The following ZFX variants were observed in gnomAD, a reference collection of about 807,000 sequenced individuals.
ZFX encodes zinc finger protein X-linked.
For missense variants in ZFX, 362 were observed against 628.3 expected (o/e 0.58, Z 4.53); for synonymous variants, 196 against 226.8 (o/e 0.86, Z 1.22).
At chrX:24,195,575 C>T (rs952544819) in intron 5 of ZFX, among the ~76,000 whole-genome samples, 8 of 111,093 alleles carry the variant, frequency 7.2e-5, no homozygotes, top group Admixed American at 1.9e-4. Flanking sequence ...AGGATGGTCT[C>T]GGATCTCCTG....
In ZFX at chrX:24,174,245, AG is replaced by A. The variant is rs1054222543; in HGVS notation, c.58+1448del. On this transcript the variant is annotated intron_variant, in intron 4 of 9. Transcript: ENST00000304543. ...AAAAAAAATAAAAATAAAAAATAAA[AG>A]GGTTTTATATCACACCAGGTAGCTA... 5.4e-5 allele frequency among the ~76,000 whole-genome samples: 6 copies of A among 110,771 alleles called. No individual in the cohort carries two copies. In the Admixed American group the frequency reaches 5.8e-4, roughly 11 times the overall value.
At chrX:24,183,150 C>T (rs1025771897) in intron 5 of ZFX, among the ~76,000 whole-genome samples, 9 of 111,773 alleles carry the variant, frequency 8.1e-5, no homozygotes, top group South Asian at 3.7e-4. Context: ...ATTGCTGAAC[C>T]GCATTGAGGG....
At chrX:24,150,019 G>C (rs1313749253) in intron 1 of ZFX, 3 of 107,242 alleles carry the variant, frequency 2.8e-5, no homozygotes, top group Non-Finnish European at 5.8e-5. Context: ...TTGGGGGAGG[G>C]TCGCCCGGTT....
chrX:24,162,755 T>C (rs1389479866), intron 3 of ZFX, among the ~76,000 whole-genome samples: 3 of 111,773 alleles, frequency 2.7e-5, no homozygotes, highest in African/African-American at 9.7e-5. Flanking sequence ...TCAGTGGTTT[T>C]TTAGTAGATT....
intron 5 of ZFX, among the ~76,000 whole-genome samples, chrX:24,187,197 G>C (rs778705914): frequency 8.9e-6 from 1 of 111,760 alleles, no homozygotes; most frequent in South Asian, 3.7e-4. Context: ...GTGCACTGCA[G>C]CCTCGAATAA....
rs1255130829 is a variant in ZFX at position 24,214,188 on chromosome X, G to A, written c.*2812G>A. On this transcript the variant is annotated 3_prime_UTR_variant, in exon 10 of 10. Transcript: ENST00000304543. ...AAGCTAAAAAAAAATGGATGTTTCA[G>A]TTAAATGTTTTAAAGAGGTACAGAT... 2 of 111,891 alleles carry A rather than the reference G, an allele frequency of 1.8e-5. No individual in the cohort carries two copies. Among genetic ancestry groups the A allele is most frequent in the East Asian group, 5.6e-4 (2 of 3,597 alleles). The allele number at this position is 111,891 out of a possible 1,213,427, so 9.2% of individuals were successfully genotyped here.
chrX:24,210,313 C>T lies in ZFX; in HGVS notation c.1355C>T (p.Ala452Val). The T allele has an allele frequency of 8.3e-7, 1 of 1,211,614 alleles. No homozygotes were observed. Residue 452 changes from alanine (A) to valine (V), a missense_variant, in exon 10 of 10, where the codon GCC becomes GTC. Transcript: ENST00000304543. ...ATGAAAAACCATCCCGAACACCTTG[C>T]CAAGAAGAAATACCGCTGTACTGAC... The part of the protein sequence containing the change: ...RHMKNHPEHL[A>V]KKKYRCTDCD...
chrX:24,209,484 TGTAAGTTAAC>T (rs960783376), intron 9 of ZFX, among the ~76,000 whole-genome samples: 1 of 112,701 alleles, frequency 8.9e-6, no homozygotes, highest in African/African-American at 3.2e-5. Flanking sequence ...TAAACTTTGC[TGTAAGTTAAC>T]GTAAGTTATG....
At chrX:24,186,123 G>A (rs1161394645) in intron 5 of ZFX, among the ~76,000 whole-genome samples, 2 of 76,755 alleles carry the variant, frequency 2.6e-5, no homozygotes, top group South Asian at 1.1e-3. Flanking sequence ...ATGAGAGATG[G>A]TAGTATTTCT....
At chrX:24,168,391 A>G (rs1224002892) in intron 3 of ZFX, among the ~76,000 whole-genome samples, 3 of 112,193 alleles carry the variant, frequency 2.7e-5, no homozygotes, top group Non-Finnish European at 5.6e-5. Context: ...AAGTGAATAA[A>G]TAAGAATCCT....
chrX:24,183,981 G>A (rs2043417850), intron 5 of ZFX, among the ~76,000 whole-genome samples: 1 of 110,275 alleles, frequency 9.1e-6, no homozygotes, highest in Admixed American at 9.7e-5. Context: ...GATCTCGATC[G>A]AACTCCTGAC....
At chrX:24,193,386 G>A (rs1357767530) in intron 5 of ZFX, among the ~76,000 whole-genome samples, 1 of 112,105 alleles carries the variant, frequency 8.9e-6, no homozygotes, top group Non-Finnish European at 1.9e-5. Context: ...TCTAGAAGAG[G>A]CAGAGCCATA....
chrX:24,167,517 T>A (rs1934118268), intron 3 of ZFX, among the ~76,000 whole-genome samples: 1 of 111,585 alleles, frequency 9.0e-6, no homozygotes, highest in Admixed American at 9.6e-5. Context: ...GGAGACAGTT[T>A]ATATAGGGTA....
upstream of ZFX, chrX:24,149,337 G>GGGTCGGCCGACCGCGGCCCCGCGC (rs1931671346): frequency 2.7e-5 from 3 of 109,925 alleles, no homozygotes; most frequent in Non-Finnish European, 5.8e-5. Flanking sequence ...CCTCTCCGCG[G>GGGTCGGCCGACCGCGGCCCCGCGC]GGTCGGCCGA....
intron 5 of ZFX, among the ~76,000 whole-genome samples, chrX:24,187,307 C>T (rs757313988): frequency 9.0e-6 from 1 of 111,396 alleles, no homozygotes; most frequent in Non-Finnish European, 1.9e-5. Context: ...TATTGGCCCC[C>T]CCTTTCTCTC....
chrX:24,206,537 GTGTGTGTGTGTGTA>G (rs1937592464), intron 5 of ZFX, among the ~76,000 whole-genome samples: 1 of 89,921 alleles, frequency 1.1e-5, no homozygotes, highest in Non-Finnish European at 2.1e-5. Context: ...GTGTGTGTGT[GTGTGTGTGTGTGTA>G]TTTTTTTTTT....
At chrX:24,189,880 A>G (rs1318138895) in intron 5 of ZFX, among the ~76,000 whole-genome samples, 1 of 111,696 alleles carries the variant, frequency 9.0e-6, no homozygotes, top group Non-Finnish European at 1.9e-5. Flanking sequence ...TTGGCTAGGT[A>G]TGTATTTTAT....
chrX:24,178,515 T>G (rs1601874303), intron 4 of ZFX, among the ~76,000 whole-genome samples: 2 of 110,150 alleles, frequency 1.8e-5, no homozygotes, highest in Middle Eastern at 4.8e-3. Context: ...GGTCTCAAGC[T>G]TCTGACCTGG....
chrX:24,208,505 A>G lies in ZFX; in HGVS notation c.1093+135A>G. On this transcript the variant is annotated intron_variant, in intron 8 of 9. Transcript: ENST00000304543. ...ATCCTGTAAGGATTATTTGAATTGA[A>G]TTAGAGTATAAAGTCTACTTTTTGT... 1.1e-5 allele frequency: 9 copies of G among 830,842 alleles called. No homozygotes were observed. The South Asian group carries it at 2.1e-4, about 20-fold the overall frequency. The allele number at this position is 830,842 out of a possible 1,213,427, so 68.5% of individuals were successfully genotyped here.
Sources: gnomAD v4.1 joint callset for allele counts (sites outside exome capture counted in the v4.1 genomes callset) on GRCh38, gnomAD v4.1.1 for gene constraint, MANE v1.5 for transcripts, NCBI Gene and HGNC (gene_info 2026-07-23, HGNC 2026-07-21) for gene names.